GSG1L: variants seen among roughly 807,000 people sequenced by gnomAD.
The protein encoded by GSG1L is germ cell-specific gene 1-like protein.
Under a neutral mutation model 42.1 loss-of-function variants are expected in GSG1L, and 24 were observed. The ratio of observed to expected loss-of-function variants is 0.57; its 90% CI spans 0.41 to 0.80. The LOEUF is 0.80. GSG1L is among the 30% of genes least tolerant of loss of function. The probability of loss-of-function intolerance (pLI) is 0.00; values close to 1 mark genes in which losing one functional copy is unlikely to be tolerated. For synonymous variants in GSG1L, 215 were observed against 203.5 expected (o/e 1.06, Z -0.48); for missense variants, 445 against 472.2 (o/e 0.94, Z 0.53).
intron 5 of GSG1L, among the ~76,000 whole-genome samples, chr16:27,828,397 G>A (rs1645343): frequency 1.3e-5 from 2 of 152,148 alleles, no homozygotes; most frequent in African/African-American, 2.4e-5. Flanking sequence ...CCTCCTCCTG[G>A]AGCCATCACC....
At chr16:28,027,893 A>G (rs2085917569) in intron 1 of GSG1L, among the ~76,000 whole-genome samples, 1 of 152,134 alleles carries the variant, frequency 6.6e-6, no homozygotes, top group Non-Finnish European at 1.5e-5. Context: ...AGTCCCAGCT[A>G]CTTGGGGGGC....
chr16:28,011,426 G>A (rs1183857006), intron 1 of GSG1L, among the ~76,000 whole-genome samples: 1 of 152,228 alleles, frequency 6.6e-6, no homozygotes, highest in African/African-American at 2.4e-5. Flanking sequence ...ACACTGCCTC[G>A]GCGGTCAGGG....
chr16:27,807,486 C>T lies in GSG1L; in HGVS notation c.898+1G>A, dbSNP rs755895622. 15 of 1,611,894 alleles carry T rather than the reference C, an allele frequency of 9.3e-6. No homozygotes were observed. The highest frequency in any genetic ancestry group is 3.3e-5 in the Admixed American group (2 of 59,916). ...CAGATACCCACAAACAGGCCACTTA[C>T]GGGCAGGGTATCTCTCGTGGCGGCA... On this transcript the variant is annotated splice_donor_variant, in intron 6 of 6. Coordinates refer to ENST00000447459, the MANE Select transcript of GSG1L (RefSeq NM_001109763.2). LOFTEE classifies it high-confidence loss of function.
intron 6 of GSG1L, among the ~76,000 whole-genome samples, chr16:27,792,961 A>G (rs1039963680): frequency 3.3e-5 from 5 of 152,332 alleles, no homozygotes; most frequent in Non-Finnish European, 7.4e-5. Context: ...AGCTGGATTG[A>G]ATTACTTTCC....
chr16:27,960,020 G>GGA (rs34526012), intron 2 of GSG1L, among the ~76,000 whole-genome samples: 28,010 of 152,090 alleles, frequency 0.18, 3,141 homozygotes, highest in East Asian at 0.48. Context: ...TTGCCAGGAG[G>GGA]GAGAGGGTAG....
chr16:28,033,466 G>T (rs565911098), intron 1 of GSG1L, among the ~76,000 whole-genome samples: 12 of 152,048 alleles, frequency 7.9e-5, no homozygotes, highest in Admixed American at 3.3e-4. Context: ...TTAAACCAAG[G>T]TTCATGTTAT....
intron 2 of GSG1L, among the ~76,000 whole-genome samples, chr16:27,952,223 C>A (rs1242644812): frequency 6.6e-6 from 1 of 152,224 alleles, no homozygotes; most frequent in Non-Finnish European, 1.5e-5. Context: ...TTACTAAATT[C>A]TTGCTCTGTA....
At chr16:27,923,081 C>G (rs572544290) in intron 2 of GSG1L, among the ~76,000 whole-genome samples, 9 of 152,234 alleles carry the variant, frequency 5.9e-5, no homozygotes, top group Non-Finnish European at 1.2e-4. Flanking sequence ...AGCCACCATG[C>G]CTGGCTTTTC....
chr16:27,810,563 AC>A lies in GSG1L; in HGVS notation c.831-3010del, dbSNP rs1369374784. On this transcript the variant is annotated intron_variant, in intron 5 of 6. Transcript: ENST00000447459. ...GTACTTCCCAGGGAACATACTCTGA[AC>A]TTTTTCTGCTTATAAGGATCTCCTG... Among the ~76,000 whole-genome samples the A allele has an allele frequency of 2.0e-4, 31 of 152,316 alleles. 1 individual carries two copies. Among genetic ancestry groups the A allele is most frequent in the Admixed American group, 2.0e-4 (3 of 15,302 alleles).
At chr16:28,003,078 G>C (rs1429975436) in intron 1 of GSG1L, among the ~76,000 whole-genome samples, 1 of 152,244 alleles carries the variant, frequency 6.6e-6, no homozygotes, top group Non-Finnish European at 1.5e-5. Context: ...TGTTGTGAGC[G>C]AGTCCTGGGA....
At chr16:27,913,170 T>C (rs1390180581) in intron 2 of GSG1L, among the ~76,000 whole-genome samples, 1 of 152,204 alleles carries the variant, frequency 6.6e-6, no homozygotes, top group African/African-American at 2.4e-5. Context: ...TAACTCTGTG[T>C]ACCCATGTAC....
At chr16:27,919,392 C>G (rs1471223789) in intron 2 of GSG1L, among the ~76,000 whole-genome samples, 1 of 152,200 alleles carries the variant, frequency 6.6e-6, no homozygotes, top group Non-Finnish European at 1.5e-5. Context: ...CCCTTACCTT[C>G]CATGCCCCAA....
At chr16:27,977,334 A>G (rs991252401) in intron 1 of GSG1L, among the ~76,000 whole-genome samples, 3 of 152,144 alleles carry the variant, frequency 2.0e-5, no homozygotes, top group African/African-American at 7.2e-5. Flanking sequence ...TAATCCCAGC[A>G]CTTTGGGAGG....
intron 5 of GSG1L, among the ~76,000 whole-genome samples, chr16:27,815,948 A>G (rs998372792): frequency 1.3e-5 from 2 of 152,232 alleles, no homozygotes; most frequent in African/African-American, 4.8e-5. Context: ...TGGGTGACAG[A>G]GCGACACCCT....
intron 2 of GSG1L, among the ~76,000 whole-genome samples, chr16:27,960,644 G>A (rs902348211): frequency 1.3e-5 from 2 of 152,174 alleles, no homozygotes; most frequent in Non-Finnish European, 2.9e-5. Context: ...GTGTGGTGGG[G>A]AGAAAATGGA....
chr16:28,012,422 T>C (rs548306080), intron 1 of GSG1L, among the ~76,000 whole-genome samples: 19 of 152,280 alleles, frequency 1.2e-4, no homozygotes, highest in African/African-American at 4.1e-4. Context: ...CATTTTCTCA[T>C]CCGTGGTGAA....
At chr16:27,930,501 TTC>T (rs1487058989) in intron 2 of GSG1L, among the ~76,000 whole-genome samples, 5 of 152,254 alleles carry the variant, frequency 3.3e-5, no homozygotes, top group African/African-American at 1.2e-4. Flanking sequence ...AGGATTGCTT[TTC>T]TTTTCTTCAC....
chr16:27,987,945 C>CAAA (rs56395297), intron 1 of GSG1L, among the ~76,000 whole-genome samples: 5,822 of 90,458 alleles, frequency 0.064, 321 homozygotes, highest in African/African-American at 0.081. Flanking sequence ...GACTCCGTCT[C>CAAA]AAAAAAAAAA....
At chr16:27,946,608 AGAGAG>A (rs2084868174) in intron 2 of GSG1L, among the ~76,000 whole-genome samples, 7 of 7,120 alleles carry the variant, frequency 9.8e-4, no homozygotes, top group African/African-American at 4.4e-3. Context: ...AGAGAGAGAG[AGAGAG>A]AGAGAGAGAG....
Sources: allele counts gnomAD v4.1 joint callset (sites outside exome capture counted in the v4.1 genomes callset), GRCh38; gene constraint gnomAD v4.1.1; transcripts MANE v1.5; gene names NCBI Gene and HGNC (gene_info 2026-07-23, HGNC 2026-07-21).